SLC30A6: variants seen among roughly 807,000 people sequenced by gnomAD.
The protein encoded by SLC30A6 is solute carrier family 30 member 6.
In SLC30A6, 55 loss-of-function variants were observed where a neutral mutation model predicts 63.0. The ratio of observed to expected loss-of-function variants is 0.87; its 90% CI spans 0.70 to 1.09. The LOEUF (loss-of-function observed/expected upper bound fraction) is 1.09. SLC30A6 is among the 50% of genes least tolerant of loss of function. SLC30A6 has a pLI of 0.00. For synonymous variants in SLC30A6, 224 were observed against 186.1 expected, an observed-to-expected ratio of 1.20 and a Z score of -1.66; for missense variants, 587 against 549.2, an observed-to-expected ratio of 1.07 and a Z score of -0.69.
chr2:32,166,663 A>T (rs767412263), intron 1 of SLC30A6, among the ~76,000 whole-genome samples: 12 of 152,242 alleles, frequency 7.9e-5, no homozygotes, highest in Non-Finnish European at 1.3e-4. Flanking sequence ...TGCATTTATT[A>T]GAAAAATTTA....
Position 32,220,374 on chromosome 2 carries a change from T to C in SLC30A6, c.1047T>C (p.Asn349=), listed in dbSNP as rs1159299088. Residue 349 remains asparagine, a synonymous_variant, in exon 14 of 14, where the codon AAT becomes AAC. Transcript: ENST00000282587. ...PALLSGPVAA[N]VLNFSDHHVI... is the part of the protein sequence containing the mutation. ...TATTGTCTGGGCCTGTTGCAGCCAA[T>C]GTCCTAAACTTTTCAGATCATCACG... 6.2e-7 allele frequency: 1 copy of C among 1,614,230 alleles called. No individual in the cohort carries two copies. Among genetic ancestry groups the C allele is most frequent in the South Asian group, 1.1e-5 (1 of 91,090 alleles).
intron 10 of SLC30A6, chr2:32,203,804 A>T: frequency 6.8e-7 from 1 of 1,462,692 alleles, no homozygotes; most frequent in Non-Finnish European, 9.6e-7. Context: ...GAATATTATG[A>T]TAGAAACACA....
intron 13 of SLC30A6, among the ~76,000 whole-genome samples, chr2:32,213,472 A>G (rs899381196): frequency 4.6e-5 from 7 of 151,964 alleles, no homozygotes; most frequent in Non-Finnish European, 8.8e-5. Context: ...CTAGATTTCC[A>G]TTAAGTCTTG....
intron 5 of SLC30A6, among the ~76,000 whole-genome samples, chr2:32,189,455 T>TTTTTTTTA (rs1683130723): frequency 6.6e-6 from 1 of 150,454 alleles, no homozygotes; most frequent in African/African-American, 2.4e-5. Context: ...ACATGCCTAA[T>TTTTTTTTA]TTTTTTTATT....
chr2:32,185,004 T>G (rs941774280), intron 5 of SLC30A6, among the ~76,000 whole-genome samples: 3 of 152,198 alleles, frequency 2.0e-5, no homozygotes, highest in African/African-American at 4.8e-5. Flanking sequence ...TAGGCAGTGG[T>G]AAAGATGGAT....
intron 13 of SLC30A6, among the ~76,000 whole-genome samples, chr2:32,213,938 A>C (rs1288643339): frequency 6.6e-6 from 1 of 151,906 alleles, no homozygotes; most frequent in East Asian, 1.9e-4. Context: ...CAAGTAGATA[A>C]AAACTAGAAA....
chr2:32,174,200 C>G, intron 3 of SLC30A6, 53 bp downstream of exon 3: 5 of 1,352,220 alleles, frequency 3.7e-6, no homozygotes, highest in Non-Finnish European at 5.2e-6. Flanking sequence ...TTATTTTTCT[C>G]ATTGGAAATA....
intron 4 of SLC30A6, chr2:32,177,544 G>T (rs760277067): frequency 4.9e-6 from 1 of 204,308 alleles, no homozygotes; most frequent in South Asian, 4.9e-5. Flanking sequence ...CACCCACCTC[G>T]GCCTACCAAA....
At chr2:32,178,927 G>A (rs551413027) in intron 4 of SLC30A6, among the ~76,000 whole-genome samples, 9 of 152,206 alleles carry the variant, frequency 5.9e-5, no homozygotes, top group South Asian at 4.2e-4. Flanking sequence ...GGTTGACCTC[G>A]GCTCACTGCA....
At chr2:32,177,200 A>G (rs1276821317) in intron 4 of SLC30A6, among the ~76,000 whole-genome samples, 1 of 152,160 alleles carries the variant, frequency 6.6e-6, no homozygotes, top group Non-Finnish European at 1.5e-5. Flanking sequence ...TTTTCTCGCG[A>G]TAGATTTACC....
Position 32,204,636 on chromosome 2 carries a change from A to C in SLC30A6, c.712A>C (p.Met238Leu). 1 of 1,612,938 alleles carries C rather than the reference A, an allele frequency of 6.2e-7. No individual in the cohort carries two copies. The highest frequency in any genetic ancestry group is 8.5e-7 in the Non-Finnish European group (1 of 1,179,380). ...TGCCTCTGCTATAGCTATTGCCTTG[A>C]TGACATTTGGCACTATGTATCCCAT... ...DTASAIAIAL[M>L]TFGTMYPMSV... The change falls in exon 11 of 14, where the codon ATG becomes CTG. Residue 238 changes from methionine (M) to leucine (L), a missense_variant. Physicochemically the swap from Met to Leu is conservative, Grantham distance 15 (BLOSUM62 2). Transcript: ENST00000282587.
intron 5 of SLC30A6, 52 bp from the exon 6 acceptor site, chr2:32,192,284 T>A (rs1683395000): frequency 1.3e-6 from 2 of 1,515,538 alleles, no homozygotes; most frequent in East Asian, 4.5e-5. Context: ...CTAGAGAGAC[T>A]GGTTTGTGAA....
intron 4 of SLC30A6, among the ~76,000 whole-genome samples, chr2:32,175,963 C>T (rs1193045590): frequency 6.6e-6 from 1 of 151,944 alleles, no homozygotes; most frequent in Non-Finnish European, 1.5e-5. Context: ...ACGAGCGAAA[C>T]TCAGTCTCAA....
chr2:32,170,244 TAAC>T (rs1181933432), intron 1 of SLC30A6, among the ~76,000 whole-genome samples: 2 of 152,214 alleles, frequency 1.3e-5, no homozygotes, highest in Non-Finnish European at 2.9e-5. Context: ...TTTTTAAAAA[TAAC>T]AACAGAGTAA....
At chr2:32,194,416 G>A (rs1175462126) in intron 8 of SLC30A6, among the ~76,000 whole-genome samples, 2 of 152,142 alleles carry the variant, frequency 1.3e-5, no homozygotes, top group African/African-American at 4.8e-5. Context: ...TGGTGGATGG[G>A]CATATATGTT....
rs776058022 is a variant in SLC30A6, at chr2:32,220,396, C to T, written c.1069C>T (p.His357Tyr). Residue 357 changes from histidine to tyrosine, a missense_variant, in exon 14 of 14, where the codon CAC becomes TAC. His to Tyr is a moderately conservative substitution (Grantham distance 83). Transcript: ENST00000282587. The part of the protein sequence containing the change: ...AANVLNFSDH[H>Y]VIPMPLLKGT... ...CAATGTCCTAAACTTTTCAGATCAT[C>T]ACGTAATCCCAATGCCTCTTTTAAA... 33 of 1,614,208 alleles carry T rather than the reference C, an allele frequency of 2.0e-5. 1 individual carries two copies. In the South Asian group the frequency reaches 3.5e-4, roughly 17 times the overall value.
intron 5 of SLC30A6, among the ~76,000 whole-genome samples, chr2:32,188,972 C>T (rs558490197): frequency 2.0e-5 from 3 of 152,298 alleles, no homozygotes; most frequent in African/African-American, 7.2e-5. Flanking sequence ...TCATTGCTCT[C>T]ATATTCCATT....
intron 10 of SLC30A6, among the ~76,000 whole-genome samples, chr2:32,198,274 C>G (rs1040433190): frequency 6.6e-6 from 1 of 152,186 alleles, no homozygotes; most frequent in Non-Finnish European, 1.5e-5. Flanking sequence ...TTAGTCTTTA[C>G]TAGAATTTGT....
chr2:32,191,634 G>A (rs772155050), intron 5 of SLC30A6, among the ~76,000 whole-genome samples: 4 of 152,150 alleles, frequency 2.6e-5, no homozygotes, highest in Non-Finnish European at 5.9e-5. Context: ...GAATTCTAGT[G>A]TCAGAGTGTT....
Sources: allele counts gnomAD v4.1 joint callset (sites outside exome capture counted in the v4.1 genomes callset), GRCh38; gene constraint gnomAD v4.1.1; transcripts MANE v1.5; gene names NCBI Gene and HGNC (gene_info 2026-07-23, HGNC 2026-07-21).